Variants in LDLRAD3 observed in about 807,000 individuals in gnomAD.
The protein encoded by LDLRAD3 is low density lipoprotein receptor class A domain containing 3.
A neutral mutation model predicts 29.4 loss-of-function variants in LDLRAD3; 20 were observed. The ratio of observed to expected loss-of-function variants is 0.68; its 90% CI spans 0.48 to 0.99. LDLRAD3 has a LOEUF of 0.99. Among genes scored for constraint, LDLRAD3 ranks in the 50% least tolerant of loss-of-function variants. The pLI is 0.00. For missense variants in LDLRAD3, 420 were observed against 454.3 expected (o/e 0.92, Z 0.69); for synonymous variants, 157 against 192.7 (o/e 0.81, Z 1.53).
chr11:36,091,226 A>C (rs1853275641), intron 3 of LDLRAD3, among the ~76,000 whole-genome samples: 1 of 152,092 alleles, frequency 6.6e-6, no homozygotes. Context: ...TGTGGGGGCT[A>C]ATGACAAGGA....
chr11:36,001,425 T>C (rs1851823667), intron 1 of LDLRAD3, among the ~76,000 whole-genome samples: 1 of 152,320 alleles, frequency 6.6e-6, no homozygotes, highest in East Asian at 1.9e-4. Flanking sequence ...ATGACACTTA[T>C]TACAGAAAGA....
At position 36,028,482 on chromosome 11, in the gene LDLRAD3, G is replaced by A. The variant is rs893798669; in HGVS notation, c.47-7621G>A. ...CTGTAGTTGTCTAGTGCAGGGAGTC[G>A]GTTGGCAAATGGGCTAAAGTCAGCC... On this transcript the variant is annotated intron_variant, in intron 1 of 5. Transcript: ENST00000315571. Among the ~76,000 whole-genome samples the A allele has an allele frequency of 5.3e-5, 8 of 151,926 alleles. No homozygotes were observed. In the South Asian group the frequency reaches 6.2e-4, roughly 12 times the overall value.
intron 4 of LDLRAD3, chr11:36,163,312 C>T (rs1854469680): frequency 6.6e-6 from 1 of 152,238 alleles, no homozygotes; most frequent in South Asian, 2.1e-4. Flanking sequence ...AATTAAACAT[C>T]CCCCTGACTG....
intron 4 of LDLRAD3, among the ~76,000 whole-genome samples, chr11:36,182,670 C>T (rs1854782101): frequency 6.6e-6 from 1 of 152,136 alleles, no homozygotes; most frequent in Non-Finnish European, 1.5e-5. Context: ...GTTCACTTCC[C>T]CTGGAGTAGG....
intron 3 of LDLRAD3, 82 bp downstream of exon 3, chr11:36,081,860 G>C: frequency 6.5e-7 from 1 of 1,537,700 alleles, no homozygotes; most frequent in Non-Finnish European, 8.9e-7. Flanking sequence ...CCCTCATCAT[G>C]TGCTTCTTAT....
At chr11:35,982,130 A>G (rs1480597573) in intron 1 of LDLRAD3, among the ~76,000 whole-genome samples, 1 of 152,256 alleles carries the variant, frequency 6.6e-6, no homozygotes, top group African/African-American at 2.4e-5. Context: ...AACAACAGAA[A>G]TTTATTGTCT....
intron 4 of LDLRAD3, among the ~76,000 whole-genome samples, chr11:36,129,247 G>A (rs568108225): frequency 2.0e-5 from 3 of 152,154 alleles, no homozygotes; most frequent in Admixed American, 2.0e-4. Flanking sequence ...CCTTTTCTAA[G>A]TCCTTTCTAA....
chr11:36,015,047 C>T (rs1250561285), intron 1 of LDLRAD3, among the ~76,000 whole-genome samples: 1 of 152,158 alleles, frequency 6.6e-6, no homozygotes, highest in African/African-American at 2.4e-5. Flanking sequence ...GTCCCCTACT[C>T]CCTGTTCAGA....
intron 1 of LDLRAD3, among the ~76,000 whole-genome samples, chr11:35,991,357 A>G (rs1851686894): frequency 1.3e-5 from 2 of 152,186 alleles, no homozygotes; most frequent in Non-Finnish European, 2.9e-5. Context: ...TGGGGCCCCA[A>G]ACTGCAGAAG....
chr11:36,064,315 T>A (rs923301712), intron 2 of LDLRAD3, among the ~76,000 whole-genome samples: 7 of 152,022 alleles, frequency 4.6e-5, no homozygotes, highest in Non-Finnish European at 5.9e-5. Context: ...TTTTAAAAAA[T>A]TTTTGAGACA....
At chr11:36,016,742 A>G (rs1427109680) in intron 1 of LDLRAD3, among the ~76,000 whole-genome samples, 2 of 152,258 alleles carry the variant, frequency 1.3e-5, no homozygotes, top group Admixed American at 1.3e-4. Flanking sequence ...CCAGTACACT[A>G]TACATCTACA....
intron 4 of LDLRAD3, among the ~76,000 whole-genome samples, chr11:36,184,444 G>C (rs1006314048): frequency 6.6e-6 from 1 of 152,034 alleles, no homozygotes; most frequent in Admixed American, 6.5e-5. Context: ...TGTTTTTACT[G>C]GTCTACTCAT....
intron 1 of LDLRAD3, among the ~76,000 whole-genome samples, chr11:35,973,226 CTCTT>C (rs368963135): frequency 5.9e-5 from 9 of 152,110 alleles, no homozygotes; most frequent in African/African-American, 2.2e-4. Context: ...TCAGAGATCT[CTCTT>C]TCAGAATGGA....
chr11:36,104,154 T>C (rs1853491927), intron 4 of LDLRAD3, among the ~76,000 whole-genome samples: 1 of 152,150 alleles, frequency 6.6e-6, no homozygotes, highest in South Asian at 2.1e-4. Context: ...GCTGCCATAT[T>C]GTGAGCCGCC....
intron 2 of LDLRAD3, among the ~76,000 whole-genome samples, chr11:36,059,119 AT>A (rs1852662321): frequency 1.3e-5 from 2 of 152,122 alleles, no homozygotes; most frequent in African/African-American, 4.8e-5. Flanking sequence ...TAATCCCAGC[AT>A]TTTGGGAGGC....
intron 1 of LDLRAD3, among the ~76,000 whole-genome samples, chr11:36,024,681 T>C (rs1337017613): frequency 2.0e-5 from 3 of 152,246 alleles, no homozygotes; most frequent in African/African-American, 7.2e-5. Context: ...ACCCTGGTTT[T>C]TGACTGTGCT....
intron 2 of LDLRAD3, among the ~76,000 whole-genome samples, chr11:36,039,566 G>A (rs1852354452): frequency 6.6e-6 from 1 of 152,132 alleles, no homozygotes; most frequent in Non-Finnish European, 1.5e-5. Flanking sequence ...ACAGTAAGTG[G>A]CTTGTAAACA....
chr11:36,220,567 T>TA (rs762299772), intron 4 of LDLRAD3, among the ~76,000 whole-genome samples: 3 of 152,086 alleles, frequency 2.0e-5, no homozygotes, highest in Non-Finnish European at 4.4e-5. Flanking sequence ...GAATAGAATA[T>TA]AAAAAACACA....
At chr11:36,036,397 G>A (rs1852305238) in intron 2 of LDLRAD3, 148 bp downstream of exon 2, 4 of 830,500 alleles carry the variant, frequency 4.8e-6, no homozygotes, top group Admixed American at 2.7e-5. Flanking sequence ...CTTCTTTGCT[G>A]TATCTCCATC....
Sources: gnomAD v4.1 joint callset for allele counts (sites outside exome capture counted in the v4.1 genomes callset) on GRCh38, gnomAD v4.1.1 for gene constraint, MANE v1.5 for transcripts, NCBI Gene and HGNC (gene_info 2026-07-23, HGNC 2026-07-21) for gene names.